PALLD: variants seen among roughly 807,000 people sequenced by gnomAD.
The protein encoded by PALLD is palladin.
In PALLD, 61 loss-of-function variants were observed where a neutral mutation model predicts 123.5. The ratio of observed to expected loss-of-function variants is 0.49; its 90% CI spans 0.40 to 0.61. PALLD has a LOEUF of 0.61. Among genes scored for constraint, PALLD ranks in the 20% least tolerant of loss-of-function variants. The pLI, the probability that PALLD is intolerant of heterozygous loss-of-function variation, is 0.00. For synonymous variants in PALLD, 465 were observed against 496.4 expected (o/e 0.94, Z 0.84); for missense variants, 1,273 against 1,377.0 (o/e 0.92, Z 1.20).
intron 10 of PALLD, among the ~76,000 whole-genome samples, chr4:168,843,161 T>G (rs12643033): frequency 0.087 from 13,228 of 152,288 alleles, 674 homozygotes; most frequent in East Asian, 0.17. Flanking sequence ...AAGACTTCCC[T>G]GCAAACCTTT....
chr4:168,705,382 A>G (rs1463881565), intron 8 of PALLD, among the ~76,000 whole-genome samples: 1 of 152,204 alleles, frequency 6.6e-6, no homozygotes, highest in Non-Finnish European at 1.5e-5. Flanking sequence ...ATGACTATAA[A>G]AGCTTCTAGG....
At chr4:168,585,858 T>A (rs1013270892) in intron 2 of PALLD, among the ~76,000 whole-genome samples, 4 of 152,180 alleles carry the variant, frequency 2.6e-5, no homozygotes, top group Admixed American at 6.5e-5. Flanking sequence ...AGAGCTGAGA[T>A]TTCCACACAA....
chr4:168,600,217 G>C (rs1486975299), intron 2 of PALLD, among the ~76,000 whole-genome samples: 2 of 151,966 alleles, frequency 1.3e-5, no homozygotes, highest in Non-Finnish European at 2.9e-5. Flanking sequence ...TTAATAGTTT[G>C]GCCACAATTT....
intron 10 of PALLD, among the ~76,000 whole-genome samples, chr4:168,776,656 G>A (rs1287674546): frequency 1.3e-5 from 2 of 152,144 alleles, no homozygotes; most frequent in Non-Finnish European, 2.9e-5. Flanking sequence ...CCCTTTATTA[G>A]ATTAAGGCAG....
intron 2 of PALLD, among the ~76,000 whole-genome samples, chr4:168,566,456 C>A (rs1475087064): frequency 6.6e-6 from 1 of 152,050 alleles, no homozygotes; most frequent in Non-Finnish European, 1.5e-5. Context: ...AGCCACCAAG[C>A]CCGGCTAATT....
chr4:168,894,873 C>A, intron 12 of PALLD, 196 bp downstream of exon 12: 1 of 798,682 alleles, frequency 1.3e-6, no homozygotes, highest in South Asian at 1.9e-5. Context: ...TGACAGAATT[C>A]TTTCCATCAG....
At chr4:168,769,345 T>A (rs916155362) in intron 10 of PALLD, among the ~76,000 whole-genome samples, 2 of 152,320 alleles carry the variant, frequency 1.3e-5, no homozygotes, top group East Asian at 3.9e-4. Context: ...GTATAAGGTC[T>A]CGTCTTTAGA....
intron 10 of PALLD, among the ~76,000 whole-genome samples, chr4:168,793,715 A>C (rs570339810): frequency 3.7e-4 from 57 of 152,282 alleles, no homozygotes; most frequent in African/African-American, 1.3e-3. Flanking sequence ...AAAGATACGC[A>C]CAGGAAGAGC....
chr4:168,695,016 A>G (rs996157417), intron 8 of PALLD, among the ~76,000 whole-genome samples: 1 of 152,220 alleles, frequency 6.6e-6, no homozygotes, highest in African/African-American at 2.4e-5. Context: ...AACAGCCACA[A>G]ACTGTGTTGA....
chr4:168,804,425 T>C (rs925272337), intron 10 of PALLD, among the ~76,000 whole-genome samples: 1 of 151,232 alleles, frequency 6.6e-6, no homozygotes, highest in Admixed American at 6.6e-5. Context: ...AGCCTATTAT[T>C]GTTCAATACA....
intron 2 of PALLD, among the ~76,000 whole-genome samples, chr4:168,560,188 TC>T (rs1767726416): frequency 6.6e-6 from 1 of 152,184 alleles, no homozygotes; most frequent in South Asian, 2.1e-4. Context: ...TAATTAGATT[TC>T]TAGCTTGTTG....
At chr4:168,675,953 G>C (rs1780790478) in intron 3 of PALLD, among the ~76,000 whole-genome samples, 1 of 152,166 alleles carries the variant, frequency 6.6e-6, no homozygotes, top group African/African-American at 2.4e-5. Context: ...CTACTTGGAA[G>C]GCTGAGGTGG....
At chr4:168,780,109 G>A (rs1735704018) in intron 10 of PALLD, among the ~76,000 whole-genome samples, 1 of 152,136 alleles carries the variant, frequency 6.6e-6, no homozygotes, top group Non-Finnish European at 1.5e-5. Flanking sequence ...ATGTTAGCCA[G>A]GCTGGTCTCG....
chr4:168,570,950 A>G (rs1368767348), intron 2 of PALLD, among the ~76,000 whole-genome samples: 1 of 152,178 alleles, frequency 6.6e-6, no homozygotes, highest in African/African-American at 2.4e-5. Context: ...GTGAATATAA[A>G]TCTATGCCTT....
intron 10 of PALLD, among the ~76,000 whole-genome samples, chr4:168,754,368 C>T (rs1283070124): frequency 1.3e-5 from 2 of 152,102 alleles, no homozygotes; most frequent in Admixed American, 6.6e-5. Flanking sequence ...TGGTTTATTT[C>T]ATGCCTAGGG....
At chr4:168,772,430 G>A (rs1185720840) in intron 10 of PALLD, among the ~76,000 whole-genome samples, 2 of 152,146 alleles carry the variant, frequency 1.3e-5, no homozygotes, top group African/African-American at 4.8e-5. Flanking sequence ...GAACTGATAA[G>A]TACTAAACCT....
At chr4:168,655,467 G>A (rs1778466990) in intron 2 of PALLD, among the ~76,000 whole-genome samples, 1 of 152,202 alleles carries the variant, frequency 6.6e-6, no homozygotes, top group Non-Finnish European at 1.5e-5. Context: ...CCAGGACTCT[G>A]CAAAGGGAGG....
At position 168,600,882 on chromosome 4, in the gene PALLD, CT is replaced by C. The variant is rs929852570; in HGVS notation, c.909-67306del. Among the ~76,000 whole-genome samples the C allele has an allele frequency of 1.8e-4, 27 of 152,100 alleles. No individual in the cohort carries two copies. The East Asian group carries it at 5.2e-3, about 30-fold the overall frequency. On this transcript the variant is annotated intron_variant, in intron 2 of 21. Transcript: ENST00000505667. Reference sequence around the variant, plus strand: ...CTAGAATACTTGCAAGAGTGTCTTCCTTAAAAAGAAAAAGGTAACTCCTAAA... The same window carrying C: ...CTAGAATACTTGCAAGAGTGTCTTCCTAAAAAGAAAAAGGTAACTCCTAAA...
intron 2 of PALLD, among the ~76,000 whole-genome samples, chr4:168,631,250 C>G (rs1329816913): frequency 6.6e-6 from 1 of 152,162 alleles, no homozygotes; most frequent in African/African-American, 2.4e-5. Context: ...CAGAAGGAAC[C>G]TCAAGCTGGA....
Sources: gnomAD v4.1 joint callset for allele counts (sites outside exome capture counted in the v4.1 genomes callset) on GRCh38, gnomAD v4.1.1 for gene constraint, MANE v1.5 for transcripts, NCBI Gene and HGNC (gene_info 2026-07-23, HGNC 2026-07-21) for gene names.